NEMP2: variants seen among roughly 807,000 people sequenced by gnomAD.
NEMP2 encodes the protein nuclear envelope integral membrane protein 2, also known as UPF0571 transmembrane protein.
In NEMP2, 53 loss-of-function variants were observed where a neutral mutation model predicts 54.2. That is an observed-to-expected ratio of 0.98 (90% confidence interval 0.78 to 1.23). The LOEUF is 1.23. Ranked by LOEUF, NEMP2 falls within the 50% of genes most tolerant of loss-of-function variation. The pLI is 0.00. For missense variants in NEMP2, 455 were observed against 511.3 expected, an observed-to-expected ratio of 0.89 and a Z score of 1.06; for synonymous variants, 197 against 190.3, an observed-to-expected ratio of 1.04 and a Z score of -0.29.
At chr2:190,553,875 G>A in the NEMP2 span, among the ~76,000 whole-genome samples, 1 of 152,328 alleles carries the variant, frequency 6.6e-6, no homozygotes, top group African/African-American at 2.4e-5. Context: ...TTGCTGGCAA[G>A]ATGGCTGAAT....
the NEMP2 span, among the ~76,000 whole-genome samples, chr2:190,473,533 A>G: frequency 6.6e-6 from 1 of 152,332 alleles, no homozygotes; most frequent in Admixed American, 6.5e-5. Context: ...TATCCTAAAT[A>G]TATATGCACC....
the NEMP2 span, among the ~76,000 whole-genome samples, chr2:190,461,283 G>T: frequency 5.9e-5 from 9 of 152,216 alleles, no homozygotes; most frequent in Admixed American, 3.9e-4. This position sits in a 1 kb window ranked among gnomAD's most constrained non-coding sequence, Gnocchi z 5.5. Context: ...CATTCTTTGA[G>T]AAAGTAGACA....
At chr2:190,537,643 G>A (rs544921244), upstream of NEMP2, among the ~76,000 whole-genome samples, 89 of 152,270 alleles carry the variant, frequency 5.8e-4, no homozygotes, top group Non-Finnish European at 9.4e-4. Flanking sequence ...GTATCTGGTG[G>A]AAGAAATTTC....
the NEMP2 span, among the ~76,000 whole-genome samples, chr2:190,443,323 T>G: frequency 6.6e-6 from 1 of 152,256 alleles, no homozygotes; most frequent in Non-Finnish European, 1.5e-5. The surrounding 1 kb of genome is among the most constrained non-coding windows in gnomAD (Gnocchi z 4.2). Flanking sequence ...ATCTCTGTAT[T>G]GTTATCTATA....
chr2:190,640,043 T>A, the NEMP2 span, among the ~76,000 whole-genome samples: 1 of 152,198 alleles, frequency 6.6e-6, no homozygotes, highest in East Asian at 1.9e-4. Context: ...ATTTAGTAAA[T>A]TTCCTTCCAT....
the NEMP2 span, among the ~76,000 whole-genome samples, chr2:190,645,402 C>G: frequency 6.6e-6 from 1 of 152,098 alleles, no homozygotes; most frequent in Non-Finnish European, 1.5e-5. Context: ...TAGGAACATT[C>G]TAAAATTACT....
chr2:190,483,512 T>C, the NEMP2 span, among the ~76,000 whole-genome samples: 1 of 152,158 alleles, frequency 6.6e-6, no homozygotes, highest in African/African-American at 2.4e-5. Context: ...CTTAGCACAA[T>C]TCCTTGTAGA....
the NEMP2 span, among the ~76,000 whole-genome samples, chr2:190,578,778 GA>G: frequency 8.4e-4 from 125 of 148,266 alleles, no homozygotes; most frequent in African/African-American, 2.8e-3. The surrounding 1 kb of genome is among the most constrained non-coding windows in gnomAD (Gnocchi z 4.4). Context: ...GGGGTGGAGG[GA>G]AAAAAAAAGC....
chr2:190,489,277 T>C, the NEMP2 span, among the ~76,000 whole-genome samples: 1 of 152,238 alleles, frequency 6.6e-6, no homozygotes, highest in Non-Finnish European at 1.5e-5. The surrounding 1 kb of genome is among the most constrained non-coding windows in gnomAD (Gnocchi z 6.6). Flanking sequence ...TTGTCATATC[T>C]TCCTTATTAG....
At chr2:190,603,095 A>G in the NEMP2 span, among the ~76,000 whole-genome samples, 1 of 152,150 alleles carries the variant, frequency 6.6e-6, no homozygotes, top group African/African-American at 2.4e-5. Flanking sequence ...AAAGTCAGTA[A>G]TTTCTGTTCC....
chr2:190,618,539 G>T, the NEMP2 span, among the ~76,000 whole-genome samples: 217 of 152,148 alleles, frequency 1.4e-3, no homozygotes, highest in Non-Finnish European at 1.8e-3. Flanking sequence ...AGGGATAGAT[G>T]ATATTATCTT....
chr2:190,463,731 G>T, the NEMP2 span: 11 of 255,354 alleles, frequency 4.3e-5, no homozygotes, highest in Admixed American at 3.3e-4. This position sits in a 1 kb window ranked among gnomAD's most constrained non-coding sequence, Gnocchi z 4.4. Context: ...GAGGTGGGAG[G>T]ATCACCTGGG....
At chr2:190,597,538 G>C in the NEMP2 span, among the ~76,000 whole-genome samples, 1 of 152,114 alleles carries the variant, frequency 6.6e-6, no homozygotes, top group Non-Finnish European at 1.5e-5. The surrounding 1 kb of genome is among the most constrained non-coding windows in gnomAD (Gnocchi z 4.7). Flanking sequence ...AAGACAAAAA[G>C]AGCATCTAAC....
At chr2:190,585,800 C>T in the NEMP2 span, among the ~76,000 whole-genome samples, 1 of 152,170 alleles carries the variant, frequency 6.6e-6, no homozygotes, top group Non-Finnish European at 1.5e-5. This position sits in a 1 kb window ranked among gnomAD's most constrained non-coding sequence, Gnocchi z 5.3. Context: ...AGGCACTCTG[C>T]ATTCTCCTTG....
the NEMP2 span, among the ~76,000 whole-genome samples, chr2:190,581,881 T>A: frequency 6.6e-6 from 1 of 152,124 alleles, no homozygotes; most frequent in Non-Finnish European, 1.5e-5. Context: ...AAAGTCATAT[T>A]GGTAACTTGA....
chr2:190,566,601 A>C, the NEMP2 span, among the ~76,000 whole-genome samples: 29 of 151,718 alleles, frequency 1.9e-4, no homozygotes, highest in Admixed American at 1.9e-3. Flanking sequence ...ACGGGAAAGA[A>C]AAGAAAGAAA....
the NEMP2 span, among the ~76,000 whole-genome samples, chr2:190,443,302 G>T: frequency 2.6e-5 from 4 of 152,198 alleles, no homozygotes; most frequent in African/African-American, 9.7e-5. This position sits in a 1 kb window ranked among gnomAD's most constrained non-coding sequence, Gnocchi z 4.2. Context: ...ACAAGTTACA[G>T]AACTTTTTGC....
At chr2:190,620,375 AAG>A in the NEMP2 span, 9 of 152,322 alleles carry the variant, frequency 5.9e-5, no homozygotes, top group East Asian at 1.5e-3. The surrounding 1 kb of genome is among the most constrained non-coding windows in gnomAD (Gnocchi z 4.9). Flanking sequence ...GGGAAAGGAA[AAG>A]AGAGAGAAAA....
At chr2:190,463,790 A>G in the NEMP2 span, 7 of 813,996 alleles carry the variant, frequency 8.6e-6, no homozygotes, top group Non-Finnish European at 1.0e-5. The surrounding 1 kb of genome is among the most constrained non-coding windows in gnomAD (Gnocchi z 4.4). Context: ...ACTGCACTCC[A>G]GCCTGGGTAA....
Sources: allele counts gnomAD v4.1 joint callset (sites outside exome capture counted in the v4.1 genomes callset), GRCh38; gene constraint gnomAD v4.1.1; non-coding constraint Gnocchi (gnomAD v3.1); transcripts MANE v1.5; gene names NCBI Gene and HGNC (gene_info 2026-07-23, HGNC 2026-07-21).